The following PUDP variants were observed in gnomAD, a reference collection of about 807,000 sequenced individuals.
PUDP encodes the protein pseudouridine-5'-phosphatase.
A neutral mutation model predicts 9.4 loss-of-function variants in PUDP; 8 were observed. The observed-to-expected ratio is 0.85, with a 90% confidence interval of 0.50 to 1.53. The LOEUF (loss-of-function observed/expected upper bound fraction) is 1.53, where lower values mean the gene tolerates loss of function less well. Ranked by LOEUF, PUDP falls within the 40% of genes most tolerant of loss-of-function variation. The pLI is 0.00. For missense variants in PUDP, 188 were observed against 189.7 expected, an observed-to-expected ratio of 0.99 and a Z score of 0.05; for synonymous variants, 99 against 80.7, an observed-to-expected ratio of 1.23 and a Z score of -1.22.
At chrX:7,087,876 G>A (rs1931309711) in intron 2 of PUDP, among the ~76,000 whole-genome samples, 1 of 111,773 alleles carries the variant, frequency 8.9e-6, no homozygotes, top group South Asian at 3.8e-4. Flanking sequence ...AATAGGTGCT[G>A]TCTAATGTTC....
chrX:7,136,990 A>C (rs1465559557), intron 1 of PUDP, among the ~76,000 whole-genome samples: 2 of 112,150 alleles, frequency 1.8e-5, no homozygotes, highest in African/African-American at 6.5e-5. Flanking sequence ...GACAAAGCGT[A>C]GGCAACTGCA....
At chrX:6,803,769 C>G (rs1417258513) in intron 3 of PUDP, among the ~76,000 whole-genome samples, 1 of 111,831 alleles carries the variant, frequency 8.9e-6, no homozygotes, top group Admixed American at 9.5e-5. Context: ...GAAAAATGGG[C>G]CAGGGTGTGT....
chrX:6,857,723 C>A (rs899889690), intron 3 of PUDP, among the ~76,000 whole-genome samples: 1 of 111,929 alleles, frequency 8.9e-6, no homozygotes, highest in Admixed American at 9.5e-5. Context: ...TGTGAGCCAC[C>A]CTCTGTGCCA....
intron 3 of PUDP, among the ~76,000 whole-genome samples, chrX:6,910,160 C>A: frequency 8.9e-6 from 1 of 112,181 alleles, no homozygotes; most frequent in Admixed American, 9.5e-5. Context: ...GCTTATCAGA[C>A]AGAAGATGAA....
intron 1 of PUDP, among the ~76,000 whole-genome samples, chrX:7,030,089 T>C (rs1320741540): frequency 4.5e-5 from 4 of 89,548 alleles, no homozygotes; most frequent in East Asian, 7.1e-4. Context: ...TTAAAAATCA[T>C]TATGTCAGTC....
chrX:7,147,195 C>T (rs1053826655), intron 1 of PUDP, among the ~76,000 whole-genome samples: 4 of 110,561 alleles, frequency 3.6e-5, no homozygotes, highest in South Asian at 3.9e-4. Context: ...TGTTCTCAAA[C>T]GTTCACGCGC....
At chrX:6,964,081 A>G (rs2146789364) in intron 3 of PUDP, among the ~76,000 whole-genome samples, 1 of 112,360 alleles carries the variant, frequency 8.9e-6, no homozygotes, top group East Asian at 2.8e-4. Context: ...GTGGGTTGAT[A>G]TCTTTATTAT....
chrX:7,122,215 ATGTGTGTGTGTG>A (rs62871862), intron 1 of PUDP, among the ~76,000 whole-genome samples: 11 of 99,958 alleles, frequency 1.1e-4, no homozygotes, highest in Admixed American at 4.4e-4. Flanking sequence ...AAACCCATAT[ATGTGTGTGTGTG>A]TGTGTGTGTG....
At chrX:6,993,294 A>C (rs1488889741) in intron 1 of PUDP, among the ~76,000 whole-genome samples, 5 of 112,075 alleles carry the variant, frequency 4.5e-5, no homozygotes, top group Non-Finnish European at 9.4e-5. Context: ...AGGTCTGTGA[A>C]ATAAGGGAGC....
chrX:7,089,762 A>G (rs1375417785), intron 2 of PUDP, among the ~76,000 whole-genome samples: 1 of 112,048 alleles, frequency 8.9e-6, no homozygotes, highest in African/African-American at 3.2e-5. Flanking sequence ...TTCTTAACAC[A>G]GCAAAGCTAA....
chrX:7,078,222 T>C (rs12013707), intron 2 of PUDP, among the ~76,000 whole-genome samples: 37,295 of 111,447 alleles, frequency 0.33, 4,733 homozygotes, highest in Middle Eastern at 0.48. Flanking sequence ...CCAGGAGTCC[T>C]TCCTACCTTT....
At position 6,897,482 on chromosome X, in the gene PUDP, G is replaced by C. The variant is rs759713977; in HGVS notation, c.*247+79651C>G. 8.1e-5 allele frequency among the ~76,000 whole-genome samples: 9 copies of C among 111,370 alleles called. No individual in the cohort carries two copies. The South Asian group carries it at 3.4e-3, about 43-fold the overall frequency. ...ATTTTTCTCTTGTAGGATGCAGTTT[G>C]TCTTGGTTCAACACAGAGTGTCTCA... On this transcript the variant is annotated intron_variant and NMD_transcript_variant, in intron 3 of 3. Coordinates refer to the PUDP transcript ENST00000655425.
intron 1 of PUDP, among the ~76,000 whole-genome samples, chrX:7,011,737 G>A (rs1376387073): frequency 3.6e-5 from 4 of 112,000 alleles, no homozygotes; most frequent in African/African-American, 6.5e-5. Context: ...GGCTTTCCTC[G>A]TCAGAGCATG....
At chrX:7,036,782 C>CT (rs1929858638) in intron 1 of PUDP, among the ~76,000 whole-genome samples, 1 of 111,565 alleles carries the variant, frequency 9.0e-6, no homozygotes, top group African/African-American at 3.3e-5. Context: ...AAGACTCTGT[C>CT]TGCTCCCTTT....
At chrX:7,083,559 G>C (rs1334361268) in intron 2 of PUDP, among the ~76,000 whole-genome samples, 2 of 111,219 alleles carry the variant, frequency 1.8e-5, no homozygotes, top group East Asian at 5.6e-4. Flanking sequence ...AGACAGTTGT[G>C]GGGGGCAGGT....
intron 3 of PUDP, among the ~76,000 whole-genome samples, chrX:7,057,427 T>G (rs113737136): frequency 6.4e-5 from 7 of 109,772 alleles, no homozygotes; most frequent in African/African-American, 2.3e-4. Flanking sequence ...AGCATCTGAA[T>G]TGGGGGAGGG....
In PUDP at chrX:7,039,384, C is replaced by T. The variant is rs141775240; in HGVS notation, c.204+37836G>A. Among the ~76,000 whole-genome samples the T allele has an allele frequency of 4.0e-4, 45 of 112,122 alleles. 1 individual carries two copies. The highest frequency in any genetic ancestry group is 1.4e-3 in the African/African-American group (44 of 30,892). On this transcript the variant is annotated intron_variant and NMD_transcript_variant, in intron 1 of 3. Transcript: ENST00000655425. ...ACAGACTGAATTGTGCCACGCCTAC[C>T]CCAAAACTCTTATGTTGAAATCCTA...
At chrX:6,840,833 G>A (rs1926657140) in intron 3 of PUDP, among the ~76,000 whole-genome samples, 2 of 108,087 alleles carry the variant, frequency 1.9e-5, no homozygotes, top group African/African-American at 3.4e-5. Context: ...ATGGGGATGG[G>A]GGGGTTGTGC....
chrX:6,980,858 C>T (rs759508044), intron 1 of PUDP, among the ~76,000 whole-genome samples: 46 of 111,079 alleles, frequency 4.1e-4, no homozygotes, highest in Non-Finnish European at 6.8e-4. Context: ...GCACGTACCA[C>T]GACATTTTAT....
Sources: allele counts gnomAD v4.1 joint callset (sites outside exome capture counted in the v4.1 genomes callset), GRCh38; gene constraint gnomAD v4.1.1; transcripts MANE v1.5; gene names NCBI Gene and HGNC (gene_info 2026-07-23, HGNC 2026-07-21).